ZRANB3: variants seen among roughly 807,000 people sequenced by gnomAD.
ZRANB3 encodes DNA annealing helicase and endonuclease ZRANB3.
In ZRANB3, 125 loss-of-function variants were observed where a neutral mutation model predicts 133.8. The observed-to-expected ratio is 0.93, with a 90% CI of 0.81 to 1.08. The LOEUF (loss-of-function observed/expected upper bound fraction) is 1.08. Among genes scored for constraint, ZRANB3 ranks in the 50% least tolerant of loss-of-function variants. ZRANB3 has a pLI of 0.00. For synonymous variants in ZRANB3, 387 were observed against 432.7 expected, an observed-to-expected ratio of 0.89 and a Z score of 1.31; for missense variants, 1,229 against 1,275.5, an observed-to-expected ratio of 0.96 and a Z score of 0.56.
intron 2 of ZRANB3, among the ~76,000 whole-genome samples, chr2:135,409,155 G>A (rs1455068957): frequency 6.6e-6 from 1 of 152,036 alleles, no homozygotes; most frequent in Non-Finnish European, 1.5e-5. Flanking sequence ...TATGGCAAAT[G>A]TAGGAGCAAG....
chr2:135,358,176 A>G (rs1032069900), intron 3 of ZRANB3, among the ~76,000 whole-genome samples: 2 of 152,124 alleles, frequency 1.3e-5, no homozygotes, highest in African/African-American at 4.8e-5. Context: ...TCCCAACTCT[A>G]TATTTCTTCT....
intron 19 of ZRANB3, among the ~76,000 whole-genome samples, chr2:135,204,391 C>A (rs996444604): frequency 3.3e-5 from 5 of 152,010 alleles, no homozygotes; most frequent in Admixed American, 2.6e-4. Flanking sequence ...TCTGAGCAGC[C>A]CCCACTCTGA....
chr2:135,380,116 C>A (rs577808861), intron 3 of ZRANB3, among the ~76,000 whole-genome samples: 1 of 152,190 alleles, frequency 6.6e-6, no homozygotes, highest in African/African-American at 2.4e-5. Context: ...ACTTAACTAT[C>A]CTAAATATAC....
intron 2 of ZRANB3, among the ~76,000 whole-genome samples, chr2:135,490,022 G>A (rs1486371514): frequency 6.6e-6 from 1 of 152,088 alleles, no homozygotes; most frequent in Non-Finnish European, 1.5e-5. Context: ...TCAATGCCAA[G>A]ACATATTCTA....
At chr2:135,216,116 C>T (rs1694299598) in intron 17 of ZRANB3, among the ~76,000 whole-genome samples, 1 of 151,198 alleles carries the variant, frequency 6.6e-6, no homozygotes, top group South Asian at 2.1e-4. Context: ...TTATATTTAC[C>T]CTTAACAATT....
intron 2 of ZRANB3, among the ~76,000 whole-genome samples, chr2:135,483,402 C>T (rs1316575692): frequency 6.6e-5 from 10 of 152,106 alleles, no homozygotes; most frequent in Non-Finnish European, 1.0e-4. Flanking sequence ...AGTTTATTTG[C>T]GTAGAGGTGT....
At chr2:135,443,670 C>T (rs1465964644) in intron 2 of ZRANB3, among the ~76,000 whole-genome samples, 1 of 152,052 alleles carries the variant, frequency 6.6e-6, no homozygotes, top group Admixed American at 6.6e-5. Context: ...AGTGAAAGAA[C>T]ATCAGACAAA....
intron 17 of ZRANB3, 68 bp from the exon 18 acceptor site, chr2:135,209,046 A>G (rs1693996662): frequency 7.0e-7 from 1 of 1,429,068 alleles, no homozygotes; most frequent in East Asian, 2.3e-5. Context: ...GCATGTTTAC[A>G]TTGTTCCTTG....
chr2:135,432,169 G>A (rs919617425), intron 2 of ZRANB3, among the ~76,000 whole-genome samples: 2 of 152,164 alleles, frequency 1.3e-5, no homozygotes, highest in Non-Finnish European at 2.9e-5. Context: ...AGAATCGCTT[G>A]AACCCAGGAG....
At chr2:135,467,862 C>T (rs1486569684) in intron 2 of ZRANB3, among the ~76,000 whole-genome samples, 2 of 152,166 alleles carry the variant, frequency 1.3e-5, no homozygotes, top group African/African-American at 2.4e-5. Flanking sequence ...TGTAAGCTGC[C>T]TTGTCCATTT....
chr2:135,257,678 T>A (rs1327381499), intron 12 of ZRANB3, among the ~76,000 whole-genome samples: 1 of 152,248 alleles, frequency 6.6e-6, no homozygotes, highest in Non-Finnish European at 1.5e-5. Flanking sequence ...TCTTAATAGA[T>A]GTTTATATAA....
chr2:135,529,805 G>A (rs1251004018), intron 1 of ZRANB3, among the ~76,000 whole-genome samples: 1 of 151,148 alleles, frequency 6.6e-6, no homozygotes, highest in African/African-American at 2.4e-5. Context: ...CTGAGCCACC[G>A]CGCCTGTCTG....
intron 2 of ZRANB3, among the ~76,000 whole-genome samples, chr2:135,443,335 G>C (rs372573444): frequency 6.9e-6 from 1 of 145,888 alleles, no homozygotes; most frequent in South Asian, 2.2e-4. Flanking sequence ...GAGAATACAC[G>C]GACAATGGGA....
At chr2:135,265,827 T>A (rs1680214329) in intron 11 of ZRANB3, 141 bp from the exon 12 acceptor site, 2 of 910,910 alleles carry the variant, frequency 2.2e-6, no homozygotes, top group African/African-American at 3.4e-5. Context: ...GCTTTAGTAA[T>A]ATAATTATCT....
chr2:135,257,654 T>G (rs1679727400), intron 12 of ZRANB3, among the ~76,000 whole-genome samples: 1 of 152,226 alleles, frequency 6.6e-6, no homozygotes, highest in African/African-American at 2.4e-5. Flanking sequence ...GGTTTTGACT[T>G]GTATTTCATA....
intron 2 of ZRANB3, among the ~76,000 whole-genome samples, chr2:135,423,506 T>C (rs548395496): frequency 2.6e-4 from 39 of 152,370 alleles, no homozygotes; most frequent in African/African-American, 9.4e-4. Flanking sequence ...GGGTTCACTC[T>C]AATCCAGTAT....
At chr2:135,266,082 G>A (rs184053387) in intron 11 of ZRANB3, among the ~76,000 whole-genome samples, 2 of 152,176 alleles carry the variant, frequency 1.3e-5, no homozygotes, top group East Asian at 1.9e-4. Flanking sequence ...GGTGGCAGGC[G>A]CCTGTGATCC....
intron 1 of ZRANB3, among the ~76,000 whole-genome samples, chr2:135,508,373 G>A (rs1211673419): frequency 2.0e-5 from 3 of 152,062 alleles, no homozygotes; most frequent in African/African-American, 4.8e-5. Context: ...TCCTGACCTC[G>A]TGATCTGCCC....
chr2:135,261,463 C>G lies in ZRANB3; in HGVS notation c.1539+4071G>C, dbSNP rs898879930. Among the ~76,000 whole-genome samples, 34 of 152,084 alleles carry G rather than the reference C, an allele frequency of 2.2e-4. 1 individual carries two copies. The highest frequency in any genetic ancestry group is 4.1e-4 in the Non-Finnish European group (28 of 68,006). ...CAAATACCAACAAAGCAAAACTAAC[C>G]AAAACCAACAAAAGATCCCTACATT... On this transcript the variant is annotated intron_variant, in intron 12 of 20. Coordinates refer to ENST00000264159, the MANE Select transcript of ZRANB3 (RefSeq NM_032143.4).
Sources: allele counts gnomAD v4.1 joint callset (sites outside exome capture counted in the v4.1 genomes callset), GRCh38; gene constraint gnomAD v4.1.1; transcripts MANE v1.5; gene names NCBI Gene and HGNC (gene_info 2026-07-23, HGNC 2026-07-21).